NAV3: variants seen among roughly 807,000 people sequenced by gnomAD.
NAV3 encodes the protein neuron navigator 3.
Under a neutral mutation model 244.7 loss-of-function variants are expected in NAV3, and 87 were observed. The ratio of observed to expected loss-of-function variants is 0.36; its 90% CI spans 0.30 to 0.42. The LOEUF is 0.42. NAV3 is among the 20% of genes least tolerant of loss of function. The pLI is 1.00. For missense variants in NAV3, 2,663 were observed against 2,893.3 expected (o/e 0.92, Z 1.83); for synonymous variants, 1,126 against 1,042.2 (o/e 1.08, Z -1.55).
chr12:77,937,933 A>G (rs1889478206), intron 1 of NAV3, among the ~76,000 whole-genome samples: 1 of 152,142 alleles, frequency 6.6e-6, no homozygotes, highest in Non-Finnish European at 1.5e-5. Context: ...GCACAATCCT[A>G]TAATGTAAGT....
At chr12:77,900,031 T>C (rs1885084717) in intron 1 of NAV3, among the ~76,000 whole-genome samples, 1 of 151,642 alleles carries the variant, frequency 6.6e-6, no homozygotes, top group South Asian at 2.1e-4. Context: ...CTTGCCCCTG[T>C]CCCTCTCTCC....
chr12:77,797,684 TACA>T (rs1480391084), intron 2 of NAV3, among the ~76,000 whole-genome samples: 1 of 150,988 alleles, frequency 6.6e-6, no homozygotes, highest in African/African-American at 2.4e-5. Flanking sequence ...CTACTACAAA[TACA>T]ACAATTAGCC....
At chr12:77,744,894 A>G (rs1868457449) in intron 2 of NAV3, among the ~76,000 whole-genome samples, 1 of 152,074 alleles carries the variant, frequency 6.6e-6, no homozygotes, top group South Asian at 2.1e-4. Flanking sequence ...GTTGTAGTGA[A>G]CTTTTTTTGA....
At chr12:77,739,186 G>A (rs1868284138) in intron 2 of NAV3, among the ~76,000 whole-genome samples, 1 of 151,626 alleles carries the variant, frequency 6.6e-6, no homozygotes, top group Non-Finnish European at 1.5e-5. Context: ...AAGAGTTGTT[G>A]TGAGTATTAA....
chr12:77,597,049 A>G (rs80160564), intron 2 of NAV3, among the ~76,000 whole-genome samples: 1 of 152,064 alleles, frequency 6.6e-6, no homozygotes, highest in African/African-American at 2.4e-5. Flanking sequence ...CTTTAACTCA[A>G]AGAGCAGTAT....
intron 2 of NAV3, among the ~76,000 whole-genome samples, chr12:77,748,746 A>T (rs902035034): frequency 6.6e-6 from 1 of 152,096 alleles, no homozygotes; most frequent in African/African-American, 2.4e-5. Flanking sequence ...AGATGGGGAG[A>T]TGTTGGTCAA....
chr12:77,800,324 G>T (rs1215726079), intron 2 of NAV3, among the ~76,000 whole-genome samples: 3 of 152,160 alleles, frequency 2.0e-5, no homozygotes, highest in Non-Finnish European at 4.4e-5. Context: ...CAAAGCTAAA[G>T]ATCTGAGGGT....
At position 78,184,980 on chromosome 12, in the gene NAV3, C is replaced by A. The variant is rs140276002; in HGVS notation, c.5693-621C>A. 4.5e-3 allele frequency among the ~76,000 whole-genome samples: 690 copies of A among 151,892 alleles called. 5 individuals are homozygous for A. The highest frequency in any genetic ancestry group is 0.016 in the African/African-American group (661 of 41,508). ...AAAGGTAGCTAACTTTATCATGCTT[C>A]TGTAACTCTTAGCTGATTACTAGAA... On this transcript the variant is annotated intron_variant, in intron 30 of 39. Coordinates refer to ENST00000397909, the MANE Select transcript of NAV3 (RefSeq NM_001024383.2).
intron 9 of NAV3, among the ~76,000 whole-genome samples, chr12:78,022,725 C>G (rs1358839815): frequency 6.6e-6 from 1 of 152,110 alleles, no homozygotes; most frequent in African/African-American, 2.4e-5. Context: ...TCAAGCGACT[C>G]TATCACAAAT....
At chr12:77,655,448 T>G (rs900115241) in intron 2 of NAV3, among the ~76,000 whole-genome samples, 18 of 152,186 alleles carry the variant, frequency 1.2e-4, no homozygotes, top group South Asian at 4.1e-4. Context: ...AAGAAATATG[T>G]GACTATGTGA....
intron 2 of NAV3, among the ~76,000 whole-genome samples, chr12:77,619,765 A>G (rs750645640): frequency 1.3e-5 from 2 of 151,712 alleles, no homozygotes; most frequent in Non-Finnish European, 2.9e-5. Context: ...CATGTGTCTC[A>G]CGTTTTTTTT....
intron 1 of NAV3, among the ~76,000 whole-genome samples, chr12:77,859,809 C>G (rs1227689404): frequency 1.5e-5 from 2 of 130,862 alleles, no homozygotes; most frequent in East Asian, 2.5e-4. Context: ...TTTGCTATAT[C>G]TTTCTAATTT....
At chr12:77,574,904 A>G (rs1055387526) in intron 2 of NAV3, among the ~76,000 whole-genome samples, 1 of 151,980 alleles carries the variant, frequency 6.6e-6, no homozygotes, top group South Asian at 2.1e-4. Context: ...TAGGGTGCTT[A>G]TCATATGTCA....
intron 2 of NAV3, among the ~76,000 whole-genome samples, chr12:77,671,336 C>G (rs1873963167): frequency 6.6e-6 from 1 of 151,892 alleles, no homozygotes; most frequent in African/African-American, 2.4e-5. Flanking sequence ...GGCCATATTG[C>G]CAAAAGCAAT....
chr12:78,140,822 TG>T (rs1008372208), intron 20 of NAV3, among the ~76,000 whole-genome samples: 37 of 67,568 alleles, frequency 5.5e-4, no homozygotes, highest in Admixed American at 4.4e-4. Context: ...GAACCAGAGA[TG>T]TTTTTTTTTA....
At chr12:78,032,446 G>C (rs1879156447) in intron 9 of NAV3, among the ~76,000 whole-genome samples, 1 of 152,172 alleles carries the variant, frequency 6.6e-6, no homozygotes, top group South Asian at 2.1e-4. Context: ...TAGAATACTG[G>C]ATAAATGACT....
intron 12 of NAV3, among the ~76,000 whole-genome samples, chr12:78,078,652 C>T (rs1297870778): frequency 6.6e-6 from 1 of 152,024 alleles, no homozygotes; most frequent in Non-Finnish European, 1.5e-5. Context: ...ACCTCGGCCT[C>T]CCAAAGTGCT....
At chr12:77,684,330 T>C (rs1475672777) in intron 2 of NAV3, among the ~76,000 whole-genome samples, 1 of 152,182 alleles carries the variant, frequency 6.6e-6, no homozygotes, top group Non-Finnish European at 1.5e-5. Context: ...ATTTATGTAT[T>C]ATAAATATTT....
At chr12:77,927,599 C>T (rs1039220438) in intron 1 of NAV3, among the ~76,000 whole-genome samples, 7 of 152,158 alleles carry the variant, frequency 4.6e-5, no homozygotes, top group African/African-American at 1.7e-4. Context: ...ACTCTCAACA[C>T]TGTTATTAGT....
Sources: gnomAD v4.1 joint callset for allele counts (sites outside exome capture counted in the v4.1 genomes callset) on GRCh38, gnomAD v4.1.1 for gene constraint, MANE v1.5 for transcripts, NCBI Gene and HGNC (gene_info 2026-07-23, HGNC 2026-07-21) for gene names.